PHF19: variants seen among roughly 807,000 people sequenced by gnomAD.
PHF19 encodes the protein polycomb like 3.
A neutral mutation model predicts 79.8 loss-of-function variants in PHF19; 21 were observed. That is an observed-to-expected ratio of 0.26 (90% CI 0.19 to 0.38). The LOEUF (loss-of-function observed/expected upper bound fraction) is 0.38, where lower values mean the gene tolerates loss of function less well. Ranked by LOEUF, PHF19 falls within the 10% of genes least tolerant of loss-of-function variation. PHF19 has a pLI of 1.00. For synonymous variants in PHF19, 273 were observed against 296.3 expected (o/e 0.92, Z 0.81); for missense variants, 445 against 744.2 (o/e 0.60, Z 4.68).
chr9:120,863,644 G>A (rs1407569536), intron 10 of PHF19, among the ~76,000 whole-genome samples: 2 of 152,176 alleles, frequency 1.3e-5, no homozygotes, highest in Non-Finnish European at 2.9e-5. Context: ...CTGTGGTGTA[G>A]TGAGGGACAT....
chr9:120,878,738 C>T (rs2046131875), upstream of PHF19, among the ~76,000 whole-genome samples: 1 of 152,226 alleles, frequency 6.6e-6, no homozygotes, highest in Non-Finnish European at 1.5e-5. Context: ...GAACCTAGCA[C>T]TGCTGAGTAC....
At chr9:120,898,197 A>G (rs551625251), upstream of PHF19, among the ~76,000 whole-genome samples, 32 of 152,188 alleles carry the variant, frequency 2.1e-4, no homozygotes, top group African/African-American at 6.0e-4. Context: ...GTTCACTGCA[A>G]TCTCCGCCTC....
At position 120,891,921 on chromosome 9, in the gene PHF19, A is replaced by G. The variant is rs891780958; in HGVS notation, c.42+2867T>C. 1.3e-5 allele frequency among the ~76,000 whole-genome samples: 2 copies of G among 152,162 alleles called. No individual in the cohort carries two copies. Among genetic ancestry groups the G allele is most frequent in the African/African-American group, 4.8e-5 (2 of 41,418 alleles). Reference sequence around the variant, plus strand: ...AATGTGCCAGGGCTCAAAACATCCTAAAACAGGCTGCAAACCCCTGACGCC... The same window carrying G: ...AATGTGCCAGGGCTCAAAACATCCTGAAACAGGCTGCAAACCCCTGACGCC... On this transcript the variant is annotated intron_variant, in intron 1 of 14. Transcript: ENST00000616568. This position sits in a 1 kb window ranked among gnomAD's most constrained non-coding sequence, Gnocchi z 4.3.
At chr9:120,859,980 G>C in intron 14 of PHF19, 110 bp downstream of exon 14, 1 of 685,782 alleles carries the variant, frequency 1.5e-6, no homozygotes, top group Admixed American at 2.2e-5. Context: ...CTCCCCGCCA[G>C]AGACTGAGAC....
At chr9:120,875,626 T>A (rs2046024541) in intron 1 of PHF19, among the ~76,000 whole-genome samples, 1 of 152,222 alleles carries the variant, frequency 6.6e-6, no homozygotes, top group Non-Finnish European at 1.5e-5. Flanking sequence ...CATCTTTTGC[T>A]TGGGCCATTC....
At position 120,870,480 on chromosome 9, in the gene PHF19, C is replaced by G. The variant is rs770119298; in HGVS notation, c.327G>C (p.Pro109=). 1 of 1,613,270 alleles carries G rather than the reference C, an allele frequency of 6.2e-7. No homozygotes were observed. The highest frequency in any genetic ancestry group is 8.5e-7 in the Non-Finnish European group (1 of 1,179,178). The change falls in exon 4 of 15, where the codon CCG becomes CCC. Residue 109 remains proline, a synonymous_variant. Coordinates refer to ENST00000373896, the MANE Select transcript of PHF19 (RefSeq NM_015651.3). This position sits in a 1 kb window ranked among gnomAD's most constrained non-coding sequence, Gnocchi z 4.4. ...TCCCGCAGATGAGGATCTCATTCAGCGGCCCTGATGTCTTCCCTAGGCAGA... is the reference window on the plus strand; with the variant it reads ...TCCCGCAGATGAGGATCTCATTCAGGGGCCCTGATGTCTTCCCTAGGCAGA... ...CNICLGKTSG[P]LNEILICGKC...
upstream of PHF19, among the ~76,000 whole-genome samples, chr9:120,898,772 C>T (rs1271646269): frequency 6.6e-6 from 1 of 152,200 alleles, no homozygotes; most frequent in East Asian, 1.9e-4. Flanking sequence ...ACTGGGTGTT[C>T]TCTACTATAA....
At chr9:120,864,792 G>A (rs72758138) in intron 9 of PHF19, among the ~76,000 whole-genome samples, 1 of 151,928 alleles carries the variant, frequency 6.6e-6, no homozygotes, top group African/African-American at 2.4e-5. Context: ...TCATTTAAAC[G>A]ATAAAACAGA....
upstream of PHF19, chr9:120,877,279 G>T (rs2046093826): frequency 1.1e-6 from 1 of 921,926 alleles, no homozygotes; most frequent in Non-Finnish European, 1.3e-6. Flanking sequence ...GGAGGGAGGG[G>T]CCGGGGCGCT....
At position 120,860,354 on chromosome 9, in the gene PHF19, A is replaced by G. The variant is rs1406161039; in HGVS notation, c.1305-169T>C. 3 of 587,154 alleles carry G rather than the reference A, an allele frequency of 5.1e-6. No homozygotes were observed. In the African/African-American group the frequency reaches 5.6e-5, roughly 11 times the overall value. The allele number at this position is 587,154 out of a possible 1,614,324, so 36.4% of individuals were successfully genotyped here. Reference sequence around the variant, plus strand: ...TCTGTTTCCTACCCAGCCACCCTTCAAAGTCCAAGAAGTCAAAAAAACCTC... The same window carrying G: ...TCTGTTTCCTACCCAGCCACCCTTCGAAGTCCAAGAAGTCAAAAAAACCTC... On this transcript the variant is annotated intron_variant, in intron 13 of 14. Transcript: ENST00000373896. This position sits in a 1 kb window ranked among gnomAD's most constrained non-coding sequence, Gnocchi z 4.1.
At chr9:120,864,828 G>GA (rs2045650066) in intron 9 of PHF19, among the ~76,000 whole-genome samples, 1 of 152,024 alleles carries the variant, frequency 6.6e-6, no homozygotes, top group African/African-American at 2.4e-5. Flanking sequence ...AAGAGAGTCG[G>GA]AAAGGAAATG....
chr9:120,868,864 C>G (rs1328142777), intron 6 of PHF19: 1 of 1,102,334 alleles, frequency 9.1e-7, no homozygotes, highest in East Asian at 5.5e-5. Context: ...CCCGAGGCCT[C>G]GCCCCAAGGT....
rs1002228455 is a variant in PHF19, at chr9:120,862,015, C to T, written c.1131-10G>A. ...TTCGTGAGGCAACAAACTGTGGAGA[C>T]AGAAGAGGGAGAAGGTGGCCCCGTC... On this transcript the variant is annotated splice_polypyrimidine_tract_variant and intron_variant, in intron 11 of 14. Coordinates refer to ENST00000373896, the MANE Select transcript of PHF19 (RefSeq NM_015651.3). This position sits in a 1 kb window ranked among gnomAD's most constrained non-coding sequence, Gnocchi z 4.6. 1.2e-6 allele frequency: 2 copies of T among 1,607,514 alleles called. No individual in the cohort carries two copies. Among genetic ancestry groups the T allele is most frequent in the Admixed American group, 1.7e-5 (1 of 60,004 alleles).
chr9:120,869,096 C>G lies in PHF19; in HGVS notation c.614+86G>C. ...CAAGGTCCCCGCCTTGGCTGACACG[C>G]CAGGCTCGCTCCCTATGGGCGGTCC... On this transcript the variant is annotated intron_variant, in intron 6 of 14. Transcript: ENST00000373896. This position sits in a 1 kb window ranked among gnomAD's most constrained non-coding sequence, Gnocchi z 5.8. The G allele has an allele frequency of 3.6e-6, 5 of 1,407,124 alleles. No individual in the cohort carries two copies. The highest frequency in any genetic ancestry group is 4.7e-6 in the Non-Finnish European group (5 of 1,055,546). The allele number at this position is 1,407,124 out of a possible 1,614,324, so 87.2% of individuals were successfully genotyped here.
At position 120,870,272 on chromosome 9, in the gene PHF19, G is replaced by C. The variant is rs1300334616; in HGVS notation, c.364+171C>G. 1.3e-5 allele frequency among the ~76,000 whole-genome samples: 2 copies of C among 152,254 alleles called. No homozygotes were observed. The highest frequency in any genetic ancestry group is 1.9e-4 in the East Asian group (1 of 5,184). On this transcript the variant is annotated intron_variant, in intron 4 of 14. Coordinates refer to ENST00000373896, the MANE Select transcript of PHF19 (RefSeq NM_015651.3). The surrounding 1 kb of genome is among the most constrained non-coding windows in gnomAD (Gnocchi z 4.4). ...ATCATACCCTCCCAGCTTTCCCCAG[G>C]ATCTCTTCCCAAGCCCTCACTTACA...
chr9:120,886,800 G>A (rs578200184), intron 1 of PHF19, among the ~76,000 whole-genome samples: 30 of 152,282 alleles, frequency 2.0e-4, no homozygotes, highest in Non-Finnish European at 3.7e-4. Context: ...TCTAGGTGTC[G>A]CTGTCAAGGC....
chr9:120,859,967 G>A (rs2045469974), intron 14 of PHF19, 123 bp downstream of exon 14: 1 of 656,266 alleles, frequency 1.5e-6, no homozygotes, highest in Non-Finnish European at 2.8e-6. Flanking sequence ...AGAAGGCCAG[G>A]TACTCCCCGC....
intron 1 of PHF19, among the ~76,000 whole-genome samples, chr9:120,883,561 C>T (rs2046219577): frequency 6.6e-6 from 1 of 151,974 alleles, no homozygotes; most frequent in Non-Finnish European, 1.5e-5. Flanking sequence ...GAGTTCGAGC[C>T]CAGCCTGGGC....
intron 1 of PHF19, among the ~76,000 whole-genome samples, chr9:120,885,741 C>T (rs1359028792): frequency 6.6e-6 from 1 of 152,156 alleles, no homozygotes; most frequent in Non-Finnish European, 1.5e-5. Context: ...TGTCAGGTCC[C>T]CAGCAGTCCT....
Sources: gnomAD v4.1 joint callset for allele counts (sites outside exome capture counted in the v4.1 genomes callset) on GRCh38, gnomAD v4.1.1 for gene constraint, Gnocchi (gnomAD v3.1) non-coding constraint, MANE v1.5 for transcripts, NCBI Gene and HGNC (gene_info 2026-07-23, HGNC 2026-07-21) for gene names.